The following PRCC variants were observed in gnomAD, a reference collection of about 807,000 sequenced individuals.
PRCC encodes proline-rich protein PRCC.
In PRCC, 10 loss-of-function variants were observed where a neutral mutation model predicts 44.0. The ratio of observed to expected loss-of-function variants is 0.23; its 90% CI spans 0.14 to 0.39. The LOEUF (loss-of-function observed/expected upper bound fraction) is 0.39. PRCC is among the 10% of genes least tolerant of loss of function. The probability of loss-of-function intolerance (pLI) is 1.00; values close to 1 mark genes in which losing one functional copy is unlikely to be tolerated. For synonymous variants in PRCC, 278 were observed against 259.5 expected (o/e 1.07, Z -0.69); for missense variants, 573 against 624.7 (o/e 0.92, Z 0.88).
Position 156,786,945 on chromosome 1 carries a change from C to A in PRCC, c.854C>A (p.Pro285Gln). The change falls in exon 3 of 7, where the codon CCA becomes CAA. Residue 285 changes from proline (P) to glutamine (Q), a missense_variant. Physicochemically the swap from Pro to Gln is moderately conservative, Grantham distance 76 (BLOSUM62 -1). Transcript: ENST00000271526. ...TTCTCCCTCCCTGAAAAGGCTGAGC[C>A]ACCTGGAGTTGAGCCATACCCTTAC... ...NFFSLPEKAE[P>Q]PGVEPYPYPI... is the part of the protein sequence containing the mutation. 6.2e-7 allele frequency: 1 copy of A among 1,614,216 alleles called. No homozygotes were observed. Among genetic ancestry groups the A allele is most frequent in the Non-Finnish European group, 8.5e-7 (1 of 1,180,042 alleles).
intron 2 of PRCC, among the ~76,000 whole-genome samples, chr1:156,785,002 A>T (rs1652181709): frequency 6.7e-6 from 1 of 148,410 alleles, no homozygotes. Context: ...AGATTAAAAA[A>T]ATACAGCATA....
In PRCC at chr1:156,787,108, G is replaced by A. The variant is rs1389387806; in HGVS notation, c.1017G>A (p.Gly339=). The change falls in exon 3 of 7, where the codon GGG becomes GGA. Residue 339 remains glycine (G), a synonymous_variant. Coordinates refer to ENST00000271526, the MANE Select transcript of PRCC (RefSeq NM_005973.5). The part of the protein sequence containing the change: ...SSGAPWMPKP[G]DDYSYNQFST... ...GGGCCCCTTGGATGCCTAAGCCTGG[G>A]GACGACTACAGCTACAATCAGTTTT... is the stretch of plus-strand genomic sequence containing the variant. 1 of 1,614,042 alleles carries A rather than the reference G, an allele frequency of 6.2e-7. No individual in the cohort carries two copies. The highest frequency in any genetic ancestry group is 1.7e-5 in the Admixed American group (1 of 60,002).
chr1:156,798,102 C>G (rs997341722), intron 6 of PRCC, among the ~76,000 whole-genome samples: 13 of 152,090 alleles, frequency 8.5e-5, no homozygotes, highest in African/African-American at 2.9e-4. Context: ...TGCCATCACA[C>G]CCAGCTAATT....
intron 2 of PRCC, among the ~76,000 whole-genome samples, chr1:156,782,664 A>C (rs1230677753): frequency 2.6e-5 from 4 of 152,324 alleles, no homozygotes; most frequent in Middle Eastern, 3.4e-3. Context: ...ATGATGTTAA[A>C]ATTGTCTGTC....
At chr1:156,794,927 A>G (rs1652606896) in intron 5 of PRCC, 119 bp downstream of exon 5, 1 of 1,334,536 alleles carries the variant, frequency 7.5e-7, no homozygotes. Flanking sequence ...TAGCAAACAC[A>G]TTTTGCCCAT....
At chr1:156,777,757 T>C (rs1352592673) in intron 1 of PRCC, among the ~76,000 whole-genome samples, 1 of 151,508 alleles carries the variant, frequency 6.6e-6, no homozygotes, top group African/African-American at 2.4e-5. Context: ...AAGGTGAGAG[T>C]CATCAGAGAG....
In PRCC at chr1:156,797,314, A is replaced by G. The variant is rs1336261670; in HGVS notation, c.1362A>G (p.Lys454=). The G allele has an allele frequency of 6.2e-6, 10 of 1,614,080 alleles. No individual in the cohort carries two copies. In the South Asian group the frequency reaches 7.7e-5, roughly 12 times the overall value. ...AGCCAACAGGCCAGCAGCGGCGGAA[A>G]CACCAGATCACATATCTTATTCATC... The part of the protein sequence containing the change: ...GEQPTGQQRR[K]HQITYLIHQA... Residue 454 remains lysine (K), a synonymous_variant, in exon 6 of 7, where the codon AAA becomes AAG. Transcript: ENST00000271526.
intron 5 of PRCC, among the ~76,000 whole-genome samples, chr1:156,795,285 G>GTTTTTTTTTTTTTGTTTTT (rs1652623764): frequency 5.5e-5 from 2 of 36,060 alleles, no homozygotes; most frequent in Admixed American, 1.1e-3. Context: ...ATTTTCTGGT[G>GTTTTTTTTTTTTTGTTTTT]TTTTTTTTTT....
At chr1:156,776,078 G>A (rs1367289150) in intron 1 of PRCC, among the ~76,000 whole-genome samples, 2 of 152,214 alleles carry the variant, frequency 1.3e-5, no homozygotes, top group African/African-American at 4.8e-5. Flanking sequence ...TTCGGGCTGG[G>A]TGTGCAGTGG....
intron 1 of PRCC, among the ~76,000 whole-genome samples, chr1:156,770,660 C>G (rs1651600982): frequency 6.6e-6 from 1 of 152,226 alleles, no homozygotes; most frequent in Non-Finnish European, 1.5e-5. Flanking sequence ...CAGGTGTGAG[C>G]CACCACGCCA....
At chr1:156,772,626 C>G (rs1651674391) in intron 1 of PRCC, among the ~76,000 whole-genome samples, 1 of 152,186 alleles carries the variant, frequency 6.6e-6, no homozygotes, top group Non-Finnish European at 1.5e-5. Context: ...ACAGAAATTT[C>G]AGGGTTATCT....
intron 2 of PRCC, among the ~76,000 whole-genome samples, chr1:156,785,310 G>A (rs116225669): frequency 0.018 from 2,799 of 152,156 alleles, 81 homozygotes; most frequent in South Asian, 0.13. Flanking sequence ...AGGTGTTGAA[G>A]ACCAGCCTGG....
At chr1:156,796,712 G>C (rs902214801) in intron 5 of PRCC, 2 of 152,500 alleles carry the variant, frequency 1.3e-5, no homozygotes, top group African/African-American at 4.8e-5. Context: ...AATGGGGAAG[G>C]CAGGGGTTTT....
At chr1:156,776,677 A>T (rs907587409) in intron 1 of PRCC, among the ~76,000 whole-genome samples, 1 of 152,210 alleles carries the variant, frequency 6.6e-6, no homozygotes, top group Admixed American at 6.5e-5. Context: ...ATATGCTTGT[A>T]TAGTTTTATA....
rs750634944 is a variant in PRCC at position 156,767,918 on chromosome 1, C to T, written c.147C>T (p.Ala49=). The part of the protein sequence containing the change: ...FASLPAPKGP[A]LLPPPPQMLA... ...CTCTCCCTGCGCCCAAGGGTCCGGC[C>T]TTGCTGCCTCCGCCCCCTCAGATGC... is the stretch of plus-strand genomic sequence containing the variant. The change falls in exon 1 of 7, where the codon GCC becomes GCT. Residue 49 remains alanine (A), a synonymous_variant. Coordinates refer to ENST00000271526, the MANE Select transcript of PRCC (RefSeq NM_005973.5). 5 of 1,598,432 alleles carry T rather than the reference C, an allele frequency of 3.1e-6. No homozygotes were observed. The highest frequency in any genetic ancestry group is 1.1e-5 in the South Asian group (1 of 88,518).
In PRCC at chr1:156,791,714, C is replaced by G; in HGVS notation, c.1101C>G (p.Gly367=). The change falls in exon 4 of 7, where the codon GGC becomes GGG. Residue 367 remains glycine (G), a synonymous_variant. Coordinates refer to ENST00000271526, the MANE Select transcript of PRCC (RefSeq NM_005973.5). Reference sequence around the variant, plus strand: ...GGCTGCAGGATTATTACAGTGGTGGCTACTATCCTGCACAGGACCCGGCCC... The same window carrying G: ...GGCTGCAGGATTATTACAGTGGTGGGTACTATCCTGCACAGGACCCGGCCC... ...GAYYQDYYSG[G]YYPAQDPALV... The G allele has an allele frequency of 6.2e-7, 1 of 1,613,480 alleles. No homozygotes were observed. The highest frequency in any genetic ancestry group is 1.1e-5 in the South Asian group (1 of 90,964).
chr1:156,786,720 A>T lies in PRCC; in HGVS notation c.629A>T (p.Asp210Val). The change falls in exon 3 of 7, where the codon GAT becomes GTT. Residue 210 changes from aspartate to valine, a missense_variant. This residue lies in a region of PRCC where 118 missense variants were observed against 166.7 expected (regional missense o/e 0.71). Coordinates refer to ENST00000271526, the MANE Select transcript of PRCC (RefSeq NM_005973.5). ...LPHAFSRKPS[D>V]GSPDTKPSRL... is the part of the protein sequence containing the mutation. ...CATGCCTTCTCCCGCAAACCCTCGGATGGCTCCCCTGATACTAAGCCCTCC... is the reference window on the plus strand; with the variant it reads ...CATGCCTTCTCCCGCAAACCCTCGGTTGGCTCCCCTGATACTAAGCCCTCC... The T allele has an allele frequency of 1.2e-6, 2 of 1,614,106 alleles. No individual in the cohort carries two copies. The highest frequency in any genetic ancestry group is 1.7e-6 in the Non-Finnish European group (2 of 1,180,012).
At position 156,794,807 on chromosome 1, in the gene PRCC, A is replaced by G. The variant is rs1288341768; in HGVS notation, c.1322A>G (p.Lys441Arg). The change falls in exon 5 of 7, where the codon AAA becomes AGA. Residue 441 changes from lysine (K) to arginine (R), a missense_variant and splice_region_variant. Around this residue, in one of 4 missense-constraint regions of PRCC, gnomAD observed 69 missense variants for 139.3 expected, o/e 0.50. Coordinates refer to ENST00000271526, the MANE Select transcript of PRCC (RefSeq NM_005973.5). ...GAGAAAACCATGAAGTCATTCAGCA[A>G]AGTAAGTGGGAAACGTCTATTGAGT... is the stretch of plus-strand genomic sequence containing the variant. ...TEEKTMKSFS[K>R]KKGEQPTGQQ... 3.7e-6 allele frequency: 6 copies of G among 1,614,032 alleles called. No individual in the cohort carries two copies. In the Admixed American group the frequency reaches 8.3e-5, roughly 22 times the overall value.
At chr1:156,780,556 G>A (rs1189173723) in intron 1 of PRCC, among the ~76,000 whole-genome samples, 2 of 149,684 alleles carry the variant, frequency 1.3e-5, no homozygotes, top group African/African-American at 4.9e-5. Flanking sequence ...CTAGGCTCAG[G>A]TGACCCACCT....
Sources: gnomAD v4.1 joint callset for allele counts (sites outside exome capture counted in the v4.1 genomes callset) on GRCh38, gnomAD v4.1.1 for gene constraint, gnomAD v4.1.1 regional missense constraint, MANE v1.5 for transcripts, NCBI Gene and HGNC (gene_info 2026-07-23, HGNC 2026-07-21) for gene names.